UGT1A10: variants seen among roughly 807,000 people sequenced by gnomAD.
The protein encoded by UGT1A10 is UDP-glucuronosyltransferase 1A10.
Under a neutral mutation model 45.8 loss-of-function variants are expected in UGT1A10, and 49 were observed. That is an observed-to-expected ratio of 1.07 (90% CI 0.85 to 1.36). The LOEUF (loss-of-function observed/expected upper bound fraction) is 1.36, where lower values mean the gene tolerates loss of function less well. Ranked by LOEUF, UGT1A10 falls within the 40% of genes most tolerant of loss-of-function variation. The pLI is 0.00. For missense variants in UGT1A10, 745 were observed against 668.6 expected (o/e 1.11, Z -1.26); for synonymous variants, 284 against 249.7 (o/e 1.14, Z -1.29).
chr2:233,684,774 C>A (rs1250400105), intron 1 of UGT1A10, among the ~76,000 whole-genome samples: 2 of 151,864 alleles, frequency 1.3e-5, no homozygotes, highest in Non-Finnish European at 2.9e-5. Flanking sequence ...ATAAAGAGTG[C>A]CCTTTGGCAA....
chr2:233,648,745 T>G, intron 1 of UGT1A10: 2 of 590,066 alleles, frequency 3.4e-6, no homozygotes, highest in Non-Finnish European at 5.6e-6. Flanking sequence ...ATTACAGGGG[T>G]GAGCCACCAC....
At chr2:233,743,761 G>A (rs767554453) in intron 1 of UGT1A10, 25 of 1,367,324 alleles carry the variant, frequency 1.8e-5, no homozygotes, top group Admixed American at 5.7e-5. Flanking sequence ...ACACCTCGTA[G>A]GCCTCGGCCA....
chr2:233,747,991 A>G (rs532442400), intron 1 of UGT1A10: 1 of 1,612,870 alleles, frequency 6.2e-7, no homozygotes, highest in Non-Finnish European at 8.5e-7. Context: ...TTCCGAGGGG[A>G]CTTTGTGATG....
rs754549295 is a variant in UGT1A10, at chr2:233,768,434, C to A, written c.1290C>A (p.Asp430Glu). 1 of 1,613,634 alleles carries A rather than the reference C, an allele frequency of 6.2e-7. No individual in the cohort carries two copies. Among genetic ancestry groups the A allele is most frequent in the Non-Finnish European group, 8.5e-7 (1 of 1,179,838 alleles). Residue 430 changes from aspartate (D) to glutamate (E), a missense_variant, in exon 4 of 5, where the codon GAC becomes GAA. Coordinates refer to ENST00000344644, the MANE Select transcript of UGT1A10 (RefSeq NM_019075.4). ...LENALKAVIN[D>E]KSYKENIMRL... The stretch of plus-strand genomic sequence containing the variant: ...ATGCTCTAAAAGCAGTCATCAATGA[C>A]AAAAGGTAAGAAAGAAGATACAGAA...
At chr2:233,733,842 C>T (rs543682196) in intron 1 of UGT1A10, among the ~76,000 whole-genome samples, 2 of 152,138 alleles carry the variant, frequency 1.3e-5, no homozygotes, top group South Asian at 4.2e-4. Context: ...GGAGGATTCC[C>T]TCTTTTTCTA....
rs574966930 is a variant in UGT1A10 at position 233,766,325 on chromosome 2, G to A, written c.856-709G>A. ...CCTCCGACTGCCTCAGCCAAACTCC[G>A]CGTTGTTCTGCTGGTCAGTGGCCTG... On this transcript the variant is annotated intron_variant, in intron 1 of 4. Coordinates refer to ENST00000344644, the MANE Select transcript of UGT1A10 (RefSeq NM_019075.4). Among the ~76,000 whole-genome samples the A allele has an allele frequency of 2.9e-4, 44 of 152,228 alleles. 1 individual carries two copies. The highest frequency in any genetic ancestry group is 4.6e-4 in the Admixed American group (7 of 15,302).
At chr2:233,758,733 C>T (rs1161987353) in intron 1 of UGT1A10, among the ~76,000 whole-genome samples, 1 of 152,140 alleles carries the variant, frequency 6.6e-6, no homozygotes, top group African/African-American at 2.4e-5. Context: ...TAAGCACATC[C>T]CCAAGTATGG....
chr2:233,694,413 T>A (rs1229382859), intron 1 of UGT1A10, among the ~76,000 whole-genome samples: 1 of 152,034 alleles, frequency 6.6e-6, no homozygotes, highest in Non-Finnish European at 1.5e-5. Flanking sequence ...GCCACAGAAG[T>A]ATTTGGTCTG....
Position 233,713,465 on chromosome 2 carries a change from G to A in UGT1A10, c.856-53569G>A, listed in dbSNP as rs147117995. On this transcript the variant is annotated intron_variant, in intron 1 of 4. Coordinates refer to ENST00000344644, the MANE Select transcript of UGT1A10 (RefSeq NM_019075.4). ...TAACAGACCCCTTTCACCTCTGCGC[G>A]GCGGTGCTGGCTAAGTACCTGTCGA... is the stretch of plus-strand genomic sequence containing the variant. 2.5e-4 allele frequency: 400 copies of A among 1,613,916 alleles called. 3 individuals carry two copies. The East Asian group carries it at 5.4e-3, about 22-fold the overall frequency.
intron 1 of UGT1A10, among the ~76,000 whole-genome samples, chr2:233,667,870 A>G (rs1223864564): frequency 6.6e-6 from 1 of 152,260 alleles, no homozygotes; most frequent in African/African-American, 2.4e-5. Flanking sequence ...ATCATTAAAA[A>G]GTCAGGAAAC....
rs866500462 is a variant in UGT1A10 at position 233,723,536 on chromosome 2, T to A, written c.856-43498T>A. On this transcript the variant is annotated intron_variant, in intron 1 of 4. Transcript: ENST00000344644. ...ACAATCTTTTTTTTTTTTTTTTTTTTAATTTATTTTTTTATTGATAATTCT... is the reference window on the plus strand; with the variant it reads ...ACAATCTTTTTTTTTTTTTTTTTTTAAATTTATTTTTTTATTGATAATTCT... Among the ~76,000 whole-genome samples the A allele has an allele frequency of 8.1e-4, 98 of 121,464 alleles. 4 individuals are homozygous for A. The highest frequency in any genetic ancestry group is 1.3e-3 in the African/African-American group (39 of 29,948). 79.7% of individuals were successfully genotyped at this position (121,464 alleles called of 152,430 possible). A position where few individuals can be genotyped will look rare whatever the true frequency, so the allele number is the denominator to read the frequency against.
intron 1 of UGT1A10, among the ~76,000 whole-genome samples, chr2:233,702,368 CGTAGGATTTT>C (rs1383754925): frequency 6.6e-6 from 1 of 151,930 alleles, no homozygotes; most frequent in African/African-American, 2.4e-5. Context: ...TAGTGGATTT[CGTAGGATTTT>C]CTACATTCCA....
intron 1 of UGT1A10, among the ~76,000 whole-genome samples, chr2:233,694,048 C>A (rs1474075608): frequency 6.6e-6 from 1 of 152,122 alleles, no homozygotes; most frequent in Admixed American, 6.5e-5. Flanking sequence ...GATACAGAGG[C>A]ATTCGGATGA....
Position 233,772,709 on chromosome 2 carries a change from TAAATAA to T in UGT1A10, c.*157_*162del. ...CCCAGAGTGCTTTAAAAAATTCTCT[TAAATAA>T]AAATAATAGACTCGCTAGTCAGTAA... On this transcript the variant is annotated 3_prime_UTR_variant, in exon 5 of 5. Coordinates refer to ENST00000344644, the MANE Select transcript of UGT1A10 (RefSeq NM_019075.4). 1 of 1,467,584 alleles carries T rather than the reference TAAATAA, an allele frequency of 6.8e-7. No individual in the cohort carries two copies. Among genetic ancestry groups the T allele is most frequent in the Non-Finnish European group, 9.0e-7 (1 of 1,115,204 alleles). 90.9% of individuals were successfully genotyped at this position (1,467,584 alleles called of 1,614,324 possible).
intron 1 of UGT1A10, among the ~76,000 whole-genome samples, chr2:233,645,424 A>G (rs2073574049): frequency 6.6e-6 from 1 of 152,246 alleles, no homozygotes; most frequent in Non-Finnish European, 1.5e-5. Flanking sequence ...AAGTCTCAGC[A>G]TTAACTCAAA....
In UGT1A10 at chr2:233,684,030, G is replaced by T. The variant is rs144609680; in HGVS notation, c.855+46653G>T. Among the ~76,000 whole-genome samples the T allele has an allele frequency of 7.9e-5, 12 of 152,296 alleles. No individual in the cohort carries two copies. In the East Asian group the frequency reaches 2.3e-3, roughly 29 times the overall value. The stretch of plus-strand genomic sequence containing the variant: ...TAAGATTCTTGGCAAATGCATAGTT[G>T]CTAAATCCAGGTGAAACACCTGGTG... On this transcript the variant is annotated intron_variant, in intron 1 of 4. Coordinates refer to ENST00000344644, the MANE Select transcript of UGT1A10 (RefSeq NM_019075.4).
intron 1 of UGT1A10, chr2:233,717,933 C>G (rs1291638517): frequency 2.2e-6 from 1 of 454,480 alleles, no homozygotes; most frequent in Non-Finnish European, 4.4e-6. Context: ...ATACTTCAGT[C>G]TCTATGCAGA....
chr2:233,645,001 A>G (rs1206174990), intron 1 of UGT1A10, among the ~76,000 whole-genome samples: 1 of 152,138 alleles, frequency 6.6e-6, no homozygotes, highest in East Asian at 1.9e-4. Context: ...GAGAAGCTGA[A>G]TTAGAGATAT....
At chr2:233,663,577 A>T (rs901861530) in intron 1 of UGT1A10, among the ~76,000 whole-genome samples, 5 of 152,208 alleles carry the variant, frequency 3.3e-5, no homozygotes, top group Admixed American at 2.6e-4. Context: ...CGTAACCTCC[A>T]TCTGCATGAA....
Sources: allele counts gnomAD v4.1 joint callset (sites outside exome capture counted in the v4.1 genomes callset), GRCh38; gene constraint gnomAD v4.1.1; transcripts MANE v1.5; gene names NCBI Gene and HGNC (gene_info 2026-07-23, HGNC 2026-07-21).